ROBO2: variants seen among roughly 807,000 people sequenced by gnomAD.
ROBO2 encodes the protein roundabout homolog 2.
A neutral mutation model predicts 160.8 loss-of-function variants in ROBO2; 53 were observed. The ratio of observed to expected loss-of-function variants is 0.33; its 90% CI spans 0.26 to 0.41. The LOEUF (loss-of-function observed/expected upper bound fraction) is 0.41, where lower values mean the gene tolerates loss of function less well. ROBO2 is among the 10% of genes least tolerant of loss of function. The pLI is 1.00. For missense variants in ROBO2, 1,577 were observed against 1,722.4 expected (o/e 0.92, Z 1.49); for synonymous variants, 664 against 611.7 (o/e 1.09, Z -1.26).
At chr3:76,469,831 A>G (rs1371582762) in intron 2 of ROBO2, among the ~76,000 whole-genome samples, 1 of 152,096 alleles carries the variant, frequency 6.6e-6, no homozygotes, top group East Asian at 1.9e-4. Flanking sequence ...GATGTCATTA[A>G]ATTTTGTCTT....
chr3:76,619,297 G>C (rs893239650), intron 2 of ROBO2, among the ~76,000 whole-genome samples: 1 of 148,452 alleles, frequency 6.7e-6, no homozygotes, highest in African/African-American at 2.5e-5. Flanking sequence ...CCGAGATCGC[G>C]CCACTGCACT....
At chr3:76,754,855 A>C (rs1207000098) in intron 2 of ROBO2, among the ~76,000 whole-genome samples, 1 of 151,898 alleles carries the variant, frequency 6.6e-6, no homozygotes, top group Admixed American at 6.6e-5. Flanking sequence ...AAATTGCAAA[A>C]TAATTTAGGA....
chr3:75,946,538 C>T (rs1204186205), intron 2 of ROBO2, among the ~76,000 whole-genome samples: 2 of 152,066 alleles, frequency 1.3e-5, no homozygotes, highest in Non-Finnish European at 2.9e-5. Flanking sequence ...TTGAGTAAAA[C>T]TGGCAAGTAG....
chr3:76,233,836 G>T (rs1704772304), intron 2 of ROBO2, among the ~76,000 whole-genome samples: 1 of 152,004 alleles, frequency 6.6e-6, no homozygotes, highest in African/African-American at 2.4e-5. Context: ...TTTATTTTAG[G>T]TTTAGGGTTA....
intron 2 of ROBO2, among the ~76,000 whole-genome samples, chr3:77,334,624 G>A (rs2066298271): frequency 6.6e-6 from 1 of 152,016 alleles, no homozygotes; most frequent in Admixed American, 6.6e-5. Flanking sequence ...TTACCATATA[G>A]CAAACTTCCT....
In ROBO2 at chr3:77,248,673, C is replaced by T. The variant is rs756690135; in HGVS notation, c.388+150333C>T. ...TGAGACCAACCGAGTGAGTCCAGCG[C>T]GAAAGCAGCCAGCGAGGTCCAGGGC... is the stretch of plus-strand genomic sequence containing the variant. On this transcript the variant is annotated intron_variant, in intron 2 of 25. Transcript: ENST00000461745. 7.7e-4 allele frequency among the ~76,000 whole-genome samples: 117 copies of T among 151,986 alleles called. 2 individuals carry two copies. The highest frequency in any genetic ancestry group is 1.3e-3 in the Non-Finnish European group (89 of 68,002).
At chr3:76,022,729 A>T (rs1644894798) in intron 2 of ROBO2, among the ~76,000 whole-genome samples, 1 of 151,752 alleles carries the variant, frequency 6.6e-6, no homozygotes. Flanking sequence ...GTACAGGCAC[A>T]GTAGATTTAG....
chr3:76,555,429 A>AGAAGAAGAAGAAGAAGAAAGAG (rs2083717687), intron 2 of ROBO2, among the ~76,000 whole-genome samples: 1 of 67,992 alleles, frequency 1.5e-5, no homozygotes, highest in Non-Finnish European at 3.3e-5. Flanking sequence ...AAGAAGGAGA[A>AGAAGAAGAAGAAGAAGAAAGAG]GGGGAAGGGG....
intron 2 of ROBO2, among the ~76,000 whole-genome samples, chr3:77,322,048 T>C (rs564180195): frequency 3.3e-5 from 5 of 151,526 alleles, no homozygotes; most frequent in Admixed American, 2.0e-4. Flanking sequence ...GGGAGACTTG[T>C]TGTTAATAAC....
intron 2 of ROBO2, among the ~76,000 whole-genome samples, chr3:76,630,051 A>T (rs1472355414): frequency 6.6e-6 from 1 of 152,070 alleles, no homozygotes; most frequent in Non-Finnish European, 1.5e-5. Context: ...CGCTTGGCTG[A>T]CTTTGGTTTG....
chr3:77,041,092 G>C (rs969520360), intron 1 of ROBO2, among the ~76,000 whole-genome samples: 4 of 152,180 alleles, frequency 2.6e-5, no homozygotes, highest in Non-Finnish European at 5.9e-5. Context: ...CACTAATTAA[G>C]GAGTTGGATA....
At chr3:76,429,855 G>A (rs1420267367) in intron 2 of ROBO2, among the ~76,000 whole-genome samples, 2 of 152,142 alleles carry the variant, frequency 1.3e-5, no homozygotes, top group South Asian at 4.1e-4. Flanking sequence ...AGGTTATGTA[G>A]GATAGAGGTG....
At chr3:76,322,657 C>T (rs1287551475) in intron 2 of ROBO2, among the ~76,000 whole-genome samples, 2 of 151,984 alleles carry the variant, frequency 1.3e-5, no homozygotes, top group Admixed American at 1.3e-4. Flanking sequence ...AAAGAAGCGG[C>T]GAAGTTACCG....
At chr3:76,131,049 A>T (rs1576984890) in intron 2 of ROBO2, among the ~76,000 whole-genome samples, 1 of 152,270 alleles carries the variant, frequency 6.6e-6, no homozygotes, top group South Asian at 2.1e-4. Context: ...TTATCTTAGT[A>T]ATTGATAGAA....
intron 2 of ROBO2, among the ~76,000 whole-genome samples, chr3:76,309,295 G>C (rs1031576411): frequency 2.6e-5 from 4 of 152,206 alleles, no homozygotes; most frequent in Non-Finnish European, 5.9e-5. Flanking sequence ...CCATTTTTAA[G>C]TATGCAAAGA....
At chr3:77,590,581 T>C (rs2094156280) in intron 17 of ROBO2, among the ~76,000 whole-genome samples, 1 of 152,164 alleles carries the variant, frequency 6.6e-6, no homozygotes, top group Admixed American at 6.6e-5. Context: ...TCATGGACTA[T>C]TTTGTGTTTA....
At chr3:76,949,077 T>A (rs2078797361) in intron 2 of ROBO2, among the ~76,000 whole-genome samples, 1 of 151,100 alleles carries the variant, frequency 6.6e-6, no homozygotes, top group Admixed American at 6.6e-5. Flanking sequence ...TGTCTAATCT[T>A]TTTCATTTTT....
intron 2 of ROBO2, among the ~76,000 whole-genome samples, chr3:76,331,007 A>G (rs1361035771): frequency 6.6e-6 from 1 of 152,198 alleles, no homozygotes; most frequent in African/African-American, 2.4e-5. Flanking sequence ...TAGTATATAT[A>G]TGAATCAAAT....
At chr3:76,660,984 G>A (rs9871999) in intron 2 of ROBO2, among the ~76,000 whole-genome samples, 15,395 of 152,070 alleles carry the variant, frequency 0.1, 859 homozygotes, top group African/African-American at 0.15. Context: ...GGGTAATGGA[G>A]AATTTTACAG....
Sources: allele counts gnomAD v4.1 joint callset (sites outside exome capture counted in the v4.1 genomes callset), GRCh38; gene constraint gnomAD v4.1.1; transcripts MANE v1.5; gene names NCBI Gene and HGNC (gene_info 2026-07-23, HGNC 2026-07-21).